The following C12orf50 variants were observed in gnomAD, a reference collection of about 807,000 sequenced individuals.
C12orf50 encodes the protein uncharacterized protein C12orf50.
C12orf50 carries 35 observed loss-of-function variants against 61.6 expected under a neutral mutation model. The ratio of observed to expected loss-of-function variants is 0.57; its 90% CI spans 0.43 to 0.75. The LOEUF (loss-of-function observed/expected upper bound fraction) is 0.75. Among genes scored for constraint, C12orf50 ranks in the 30% least tolerant of loss-of-function variants. The pLI is 0.00. For missense variants in C12orf50, 475 were observed against 488.5 expected (o/e 0.97, Z 0.26); for synonymous variants, 178 against 161.5 (o/e 1.10, Z -0.77).
At chr12:87,989,432 A>C (rs1225169265) in intron 7 of C12orf50, 61 bp from the exon 8 acceptor site, 4 of 1,199,520 alleles carry the variant, frequency 3.3e-6, no homozygotes, top group Non-Finnish European at 4.9e-6. Flanking sequence ...ACTAGCTTTC[A>C]ATACAGGAAC....
At chr12:88,026,462 CTA>C in intron 3 of C12orf50, 24 bp downstream of exon 3, 1 of 1,610,654 alleles carries the variant, frequency 6.2e-7, no homozygotes, top group Non-Finnish European at 8.5e-7. Context: ...TATGGTAAGT[CTA>C]TGTTATTCAA....
intron 3 of C12orf50, among the ~76,000 whole-genome samples, chr12:88,020,808 A>T (rs1217534207): frequency 8.4e-6 from 1 of 119,476 alleles, no homozygotes; most frequent in Non-Finnish European, 1.8e-5. Context: ...TCAGCAAATT[A>T]AAAAAAAAAA....
intron 3 of C12orf50, among the ~76,000 whole-genome samples, chr12:88,019,831 A>G (rs2136487826): frequency 6.6e-6 from 1 of 152,350 alleles, no homozygotes; most frequent in East Asian, 1.9e-4. Flanking sequence ...TCAGGCTAAC[A>G]GTGAACCTTT....
At chr12:87,999,355 G>A (rs1199902506) in intron 3 of C12orf50, among the ~76,000 whole-genome samples, 1 of 152,084 alleles carries the variant, frequency 6.6e-6, no homozygotes, top group African/African-American at 2.4e-5. Flanking sequence ...AGCCTGAGAG[G>A]TTAAGGCTGC....
intron 3 of C12orf50, among the ~76,000 whole-genome samples, chr12:88,011,874 T>C (rs1014152062): frequency 6.6e-6 from 1 of 152,148 alleles, no homozygotes; most frequent in Non-Finnish European, 1.5e-5. Flanking sequence ...TTAAATCAAA[T>C]TGAGTTGGGT....
intron 1 of C12orf50, among the ~76,000 whole-genome samples, chr12:88,027,548 G>A (rs956526526): frequency 2.0e-5 from 3 of 151,934 alleles, no homozygotes; most frequent in Admixed American, 2.0e-4. Flanking sequence ...AGTTTTTATG[G>A]AGCTTAAAAT....
chr12:88,004,272 G>C (rs561454325), intron 3 of C12orf50, among the ~76,000 whole-genome samples: 7 of 151,948 alleles, frequency 4.6e-5, no homozygotes, highest in Non-Finnish European at 1.0e-4. Flanking sequence ...AGACATATAC[G>C]CAGCCAACAA....
intron 3 of C12orf50, among the ~76,000 whole-genome samples, chr12:88,012,724 T>C (rs1316886275): frequency 6.6e-6 from 1 of 152,162 alleles, no homozygotes; most frequent in Non-Finnish European, 1.5e-5. Flanking sequence ...AAATCCCCAA[T>C]TTAAAAGATA....
At chr12:88,003,881 T>C (rs1023474650) in intron 3 of C12orf50, among the ~76,000 whole-genome samples, 1 of 152,138 alleles carries the variant, frequency 6.6e-6, no homozygotes, top group Admixed American at 6.6e-5. Context: ...CCATTATTTT[T>C]TCTTTCCTTA....
Position 88,026,552 on chromosome 12 carries a change from G to T in C12orf50, c.69C>A (p.Ile23=), listed in dbSNP as rs2032714367. The T allele has an allele frequency of 2.5e-6, 4 of 1,613,806 alleles. No homozygotes were observed. In the East Asian group the frequency reaches 8.9e-5, roughly 36 times the overall value. ...WETQPLGCVK[I]SCIFYHSKPR... The stretch of plus-strand genomic sequence containing the variant: ...GTTTGCTGTGATAAAAGATACAGCT[G>T]ATCTTCACACAACCAAGAGGCTGAG... The change falls in exon 3 of 13, where the codon ATC becomes ATA. Residue 23 remains isoleucine (I), a synonymous_variant. Transcript: ENST00000298699.
intron 3 of C12orf50, among the ~76,000 whole-genome samples, chr12:88,001,158 G>A (rs1172334851): frequency 6.6e-6 from 1 of 151,682 alleles, no homozygotes; most frequent in Non-Finnish European, 1.5e-5. Flanking sequence ...TTATCAGGTT[G>A]AAGAAGTTTT....
chr12:87,999,706 C>A (rs547937620), intron 3 of C12orf50, among the ~76,000 whole-genome samples: 8 of 151,962 alleles, frequency 5.3e-5, no homozygotes, highest in Non-Finnish European at 1.2e-4. Context: ...CTATATTATA[C>A]AAATGTAATC....
chr12:87,998,340 A>G (rs538851134), intron 3 of C12orf50, 150 bp from the exon 4 acceptor site: 2 of 513,916 alleles, frequency 3.9e-6, no homozygotes, highest in East Asian at 3.4e-5. Context: ...TCTACACACT[A>G]GCAATGATTA....
In C12orf50 at chr12:88,029,361, G is replaced by A. The variant is rs1474793615; in HGVS notation, c.-130C>T. 2.3e-5 allele frequency: 4 copies of A among 175,194 alleles called. No homozygotes were observed. Among genetic ancestry groups the A allele is most frequent in the African/African-American group, 9.6e-5 (4 of 41,824 alleles). 10.9% of individuals were successfully genotyped at this position (175,194 alleles called of 1,614,324 possible). ...ATACCTTCTCTAGCTTTGCAGAAACGCTGAAAGTGGTTGCTAGTAAGCACA... is the reference window on the plus strand; with the variant it reads ...ATACCTTCTCTAGCTTTGCAGAAACACTGAAAGTGGTTGCTAGTAAGCACA... On this transcript the variant is annotated 5_prime_UTR_variant, in exon 1 of 13. Transcript: ENST00000298699.
At chr12:87,997,009 A>G (rs1027234679) in intron 4 of C12orf50, among the ~76,000 whole-genome samples, 2 of 152,190 alleles carry the variant, frequency 1.3e-5, no homozygotes, top group African/African-American at 2.4e-5. Flanking sequence ...CACAGAAACT[A>G]TGGTGTCCCG....
chr12:87,996,011 CTT>C (rs2031370896), intron 6 of C12orf50, among the ~76,000 whole-genome samples: 1 of 152,206 alleles, frequency 6.6e-6, no homozygotes, highest in African/African-American at 2.4e-5. Flanking sequence ...TGTGATCTCT[CTT>C]TTGTTCTTCT....
intron 7 of C12orf50, among the ~76,000 whole-genome samples, chr12:87,990,750 C>T (rs1424150974): frequency 6.6e-6 from 1 of 151,712 alleles, no homozygotes; most frequent in African/African-American, 2.4e-5. Context: ...AAGAAAGAGC[C>T]GAAAGTCTGG....
intron 3 of C12orf50, among the ~76,000 whole-genome samples, chr12:88,012,065 AT>A (rs1045615098): frequency 6.6e-6 from 1 of 152,208 alleles, no homozygotes; most frequent in African/African-American, 2.4e-5. Flanking sequence ...TTTGTTTTGC[AT>A]TTTTTCCCAT....
intron 3 of C12orf50, among the ~76,000 whole-genome samples, chr12:88,011,852 T>C (rs1425468722): frequency 6.6e-6 from 1 of 152,160 alleles, no homozygotes; most frequent in Non-Finnish European, 1.5e-5. Flanking sequence ...AGCCAAGAAT[T>C]CCAGTTTTCC....
Sources: allele counts gnomAD v4.1 joint callset (sites outside exome capture counted in the v4.1 genomes callset), GRCh38; gene constraint gnomAD v4.1.1; transcripts MANE v1.5; gene names NCBI Gene and HGNC (gene_info 2026-07-23, HGNC 2026-07-21).